Variants in EIF4E observed in about 807,000 individuals in gnomAD.
The protein encoded by EIF4E is eIF-4F 25 kDa subunit.
For synonymous variants in EIF4E, 71 were observed against 88.5 expected (o/e 0.80, Z 1.11); for missense variants, 113 against 265.6 (o/e 0.43, Z 3.99).
chr4:98,882,328 C>A (rs2110173222), intron 6 of EIF4E, among the ~76,000 whole-genome samples: 1 of 146,806 alleles, frequency 6.8e-6, no homozygotes, highest in South Asian at 2.1e-4. Context: ...GGAGGCAGAG[C>A]TTGCAGTGAG....
intron 1 of EIF4E, among the ~76,000 whole-genome samples, chr4:98,912,086 C>A (rs1310621855): frequency 2.0e-5 from 3 of 151,708 alleles, no homozygotes; most frequent in Non-Finnish European, 4.4e-5. Context: ...AACCCCATCT[C>A]TACCAAAAAC....
chr4:98,909,703 T>G, intron 1 of EIF4E: 1 of 709,316 alleles, frequency 1.4e-6, no homozygotes, highest in Non-Finnish European at 2.6e-6. Context: ...ACTTTCTGCC[T>G]GCTTTTTAAT....
chr4:98,885,818 T>G (rs536385275), intron 5 of EIF4E, among the ~76,000 whole-genome samples: 4 of 152,282 alleles, frequency 2.6e-5, no homozygotes, highest in Non-Finnish European at 5.9e-5. Context: ...AAGTGTACAG[T>G]TCAGTGGTGT....
In EIF4E at chr4:98,887,283, A is replaced by T. The variant is rs1723961938; in HGVS notation, c.286-91T>A. ...GAAACAGTTAAGCAACAACACTGTC[A>T]ACTTCTTACTTTATTGCCCATAAAA... On this transcript the variant is annotated intron_variant, in intron 4 of 6. Coordinates refer to ENST00000450253, the MANE Select transcript of EIF4E (RefSeq NM_001968.5). The surrounding 1 kb of genome is among the most constrained non-coding windows in gnomAD (Gnocchi z 4.0). The T allele has an allele frequency of 2.3e-6, 3 of 1,306,920 alleles. No individual in the cohort carries two copies. Among genetic ancestry groups the T allele is most frequent in the African/African-American group, 1.4e-5 (1 of 69,026 alleles). 81.0% of individuals were successfully genotyped at this position (1,306,920 alleles called of 1,614,324 possible). A position where few individuals can be genotyped will look rare whatever the true frequency, so the allele number is the denominator to read the frequency against.
chr4:98,888,025 A>T lies in EIF4E; in HGVS notation c.222-73T>A, dbSNP rs116704161. On this transcript the variant is annotated intron_variant, in intron 3 of 6. Transcript: ENST00000450253. ...AGTTTAGGTGCTTACATATATATAC[A>T]TTTAGAACATATGATGAAAATAAAC... 0.02 allele frequency: 23,877 copies of T among 1,209,624 alleles called. 300 individuals are homozygous for T. The highest frequency in any genetic ancestry group is 0.034 in the African/African-American group (2,204 of 65,274). 74.9% of individuals were successfully genotyped at this position (1,209,624 alleles called of 1,614,324 possible).
At chr4:98,913,145 T>C (rs1272709301) in intron 1 of EIF4E, among the ~76,000 whole-genome samples, 3 of 151,886 alleles carry the variant, frequency 2.0e-5, no homozygotes, top group Non-Finnish European at 2.9e-5. Context: ...GAGGCAGAGG[T>C]TGCAGTGAGC....
chr4:98,905,431 G>A (rs1724831079), intron 1 of EIF4E, among the ~76,000 whole-genome samples: 1 of 152,178 alleles, frequency 6.6e-6, no homozygotes, highest in Admixed American at 6.5e-5. Context: ...GGGAGTAAGA[G>A]CGAGGCCATG....
intron 1 of EIF4E, among the ~76,000 whole-genome samples, chr4:98,919,428 C>T (rs987779010): frequency 1.3e-5 from 2 of 151,270 alleles, no homozygotes; most frequent in African/African-American, 2.4e-5. Flanking sequence ...AAATACAGAG[C>T]GACAAGCTTT....
chr4:98,884,942 T>C lies in EIF4E; in HGVS notation c.519A>G (p.Arg173=). 1 of 1,613,236 alleles carries C rather than the reference T, an allele frequency of 6.2e-7. No individual in the cohort carries two copies. Among genetic ancestry groups the C allele is most frequent in the Non-Finnish European group, 8.5e-7 (1 of 1,179,886 alleles). ...IAIWTTECEN[R]EAVTHIGRVY... ...CTTACCCTATATGTGTAACAGCTTCTCTGTTTTCACATTCAGTAGTCCATA... is the reference window on the plus strand; with the variant it reads ...CTTACCCTATATGTGTAACAGCTTCCCTGTTTTCACATTCAGTAGTCCATA... The change falls in exon 6 of 7, where the codon AGA becomes AGG. Residue 173 remains arginine (R), a synonymous_variant. Coordinates refer to ENST00000450253, the MANE Select transcript of EIF4E (RefSeq NM_001968.5).
chr4:98,924,629 T>C (rs955604551), intron 1 of EIF4E, among the ~76,000 whole-genome samples: 4 of 152,170 alleles, frequency 2.6e-5, no homozygotes, highest in Non-Finnish European at 5.9e-5. Context: ...AGTCTTGCTC[T>C]GTCGCCCAGG....
chr4:98,918,806 G>A (rs1167012178), intron 1 of EIF4E, among the ~76,000 whole-genome samples: 1 of 152,134 alleles, frequency 6.6e-6, no homozygotes, highest in Non-Finnish European at 1.5e-5. Flanking sequence ...CCAGAAAAGT[G>A]CACATAGCTG....
At chr4:98,929,072 TGG>T (rs746170023) in intron 1 of EIF4E, 21 bp downstream of exon 1, 1 of 1,577,706 alleles carries the variant, frequency 6.3e-7, no homozygotes, top group South Asian at 1.2e-5. Flanking sequence ...CCCGTGGGGG[TGG>T]GGGCCAAAGG....
At chr4:98,927,854 C>A (rs1721259936) in intron 1 of EIF4E, among the ~76,000 whole-genome samples, 1 of 151,956 alleles carries the variant, frequency 6.6e-6, no homozygotes, top group African/African-American at 2.4e-5. Context: ...CTTCACTTAG[C>A]TGTGTCGTTT....
At chr4:98,885,694 T>C (rs1462445574) in intron 5 of EIF4E, among the ~76,000 whole-genome samples, 8 of 152,156 alleles carry the variant, frequency 5.3e-5, no homozygotes, top group African/African-American at 1.9e-4. Context: ...TTAAGTGAAA[T>C]GCCTGCCTCA....
intron 2 of EIF4E, 34 bp downstream of exon 2, chr4:98,901,842 C>T: frequency 1.3e-6 from 2 of 1,588,354 alleles, no homozygotes; most frequent in East Asian, 2.2e-5. Context: ...ACCTTGTGGC[C>T]TAACTCAGAA....
At chr4:98,913,429 C>G (rs1473968229) in intron 1 of EIF4E, among the ~76,000 whole-genome samples, 1 of 151,962 alleles carries the variant, frequency 6.6e-6, no homozygotes, top group African/African-American at 2.4e-5. Context: ...CTCCTAGGCT[C>G]AAGAGACGAT....
intron 1 of EIF4E, among the ~76,000 whole-genome samples, chr4:98,910,862 T>A (rs1560648657): frequency 1.3e-5 from 2 of 150,576 alleles, no homozygotes; most frequent in Non-Finnish European, 3.0e-5. Context: ...CACGAGTAGC[T>A]GGGACTACAG....
chr4:98,882,542 T>C (rs1456971163), intron 6 of EIF4E, among the ~76,000 whole-genome samples: 2 of 152,056 alleles, frequency 1.3e-5, no homozygotes, highest in African/African-American at 2.4e-5. Flanking sequence ...GTTTTTTTTA[T>C]ACCTTCCAGA....
chr4:98,894,975 C>G (rs1443693990), intron 2 of EIF4E: 1 of 152,252 alleles, frequency 6.6e-6, no homozygotes, highest in African/African-American at 2.4e-5. Context: ...TGTTGTGTCT[C>G]AGGGAATAGG....
Sources: gnomAD v4.1 joint callset for allele counts (sites outside exome capture counted in the v4.1 genomes callset) on GRCh38, gnomAD v4.1.1 for gene constraint, Gnocchi (gnomAD v3.1) non-coding constraint, MANE v1.5 for transcripts, NCBI Gene and HGNC (gene_info 2026-07-23, HGNC 2026-07-21) for gene names.